Variants in XKR6 observed in about 807,000 individuals in gnomAD.
XKR6 encodes XK-related protein 6.
A neutral mutation model predicts 56.7 loss-of-function variants in XKR6; 22 were observed. The observed-to-expected ratio is 0.39, with a 90% CI of 0.28 to 0.55. XKR6 has a LOEUF of 0.55. Ranked by LOEUF, XKR6 falls within the 20% of genes least tolerant of loss-of-function variation. The pLI is 0.66. For missense variants in XKR6, 852 were observed against 889.0 expected, an observed-to-expected ratio of 0.96 and a Z score of 0.53; for synonymous variants, 524 against 387.8, an observed-to-expected ratio of 1.35 and a Z score of -4.13.
chr8:10,968,882 G>T (rs565633338), intron 1 of XKR6, among the ~76,000 whole-genome samples: 1 of 152,234 alleles, frequency 6.6e-6, no homozygotes, highest in Non-Finnish European at 1.5e-5. Flanking sequence ...GCTGACAGCC[G>T]CTCCAGCAGT....
At chr8:11,061,513 T>C (rs1799834073) in intron 1 of XKR6, among the ~76,000 whole-genome samples, 1 of 152,048 alleles carries the variant, frequency 6.6e-6, no homozygotes, top group South Asian at 2.1e-4. Context: ...GAACAGACAC[T>C]GTGACTAAAA....
At chr8:11,047,698 G>C (rs73662686) in intron 1 of XKR6, among the ~76,000 whole-genome samples, 1,966 of 152,328 alleles carry the variant, frequency 0.013, 48 homozygotes, top group African/African-American at 0.044. Flanking sequence ...GCGATGGATA[G>C]TGGTGATGGT....
At position 10,897,575 on chromosome 8, in the gene XKR6, T is replaced by G; in HGVS notation, c.*377A>C. ...ACCAATCCCATAAATGATCTACACT[T>G]GGTGTAAGGTAAAAAACTTTTTTTT... On this transcript the variant is annotated 3_prime_UTR_variant, in exon 3 of 3. Coordinates refer to ENST00000416569, the MANE Select transcript of XKR6 (RefSeq NM_173683.4). 1 of 165,550 alleles carries G rather than the reference T, an allele frequency of 6.0e-6. No individual in the cohort carries two copies. The highest frequency in any genetic ancestry group is 2.4e-5 in the African/African-American group (1 of 42,072). The allele number at this position is 165,550 out of a possible 1,614,324, so 10.3% of individuals were successfully genotyped here. A position where few individuals can be genotyped will look rare whatever the true frequency, so the allele number is the denominator to read the frequency against.
At chr8:11,138,530 G>C (rs1037076963) in intron 1 of XKR6, 2 of 152,146 alleles carry the variant, frequency 1.3e-5, no homozygotes, top group Non-Finnish European at 2.9e-5. Context: ...TTCTATATTT[G>C]ATTTCAGATT....
rs373714761 is a variant in XKR6 at position 10,975,097 on chromosome 8, C to T, written c.765-50267G>A. On this transcript the variant is annotated intron_variant, in intron 1 of 2. Coordinates refer to ENST00000416569, the MANE Select transcript of XKR6 (RefSeq NM_173683.4). ...TCCTAGAGGCCTCGGTTTCTCTCTCCGGAACACAGTCCTTGCTGCCCTGAT... is the reference window on the plus strand; with the variant it reads ...TCCTAGAGGCCTCGGTTTCTCTCTCTGGAACACAGTCCTTGCTGCCCTGAT... Among the ~76,000 whole-genome samples the T allele has an allele frequency of 2.2e-4, 33 of 152,254 alleles. No individual in the cohort carries two copies. The South Asian group carries it at 6.8e-3, about 32-fold the overall frequency.
At chr8:11,048,330 A>T (rs924097552) in intron 1 of XKR6, among the ~76,000 whole-genome samples, 1 of 152,112 alleles carries the variant, frequency 6.6e-6, no homozygotes, top group Non-Finnish European at 1.5e-5. Context: ...TCAGGAAGGA[A>T]GTTCAGGTCT....
intron 1 of XKR6, among the ~76,000 whole-genome samples, chr8:11,144,884 G>C (rs1563171889): frequency 6.7e-6 from 1 of 148,634 alleles, no homozygotes; most frequent in Non-Finnish European, 1.5e-5. Flanking sequence ...AAGGAGAGAA[G>C]GGGAAGGGGA....
chr8:11,062,894 A>G (rs1416494161), intron 1 of XKR6: 1 of 455,332 alleles, frequency 2.2e-6, no homozygotes, highest in Non-Finnish European at 4.4e-6. Flanking sequence ...CAGACGTCGT[A>G]CTGAAATTCC....
intron 1 of XKR6, among the ~76,000 whole-genome samples, chr8:10,943,687 C>T (rs927821670): frequency 1.3e-5 from 2 of 152,294 alleles, no homozygotes; most frequent in East Asian, 1.9e-4. Flanking sequence ...GAAAGCCTTA[C>T]GATCGTCCTC....
chr8:10,968,110 G>A (rs957649851), intron 1 of XKR6, among the ~76,000 whole-genome samples: 3 of 152,174 alleles, frequency 2.0e-5, no homozygotes, highest in Non-Finnish European at 4.4e-5. Context: ...CCCAGGGTCT[G>A]TCCCCCTGGA....
chr8:11,193,750 C>A (rs1047205801), intron 1 of XKR6, among the ~76,000 whole-genome samples: 7 of 134,694 alleles, frequency 5.2e-5, no homozygotes, highest in Admixed American at 3.7e-4. Context: ...CCCCCCCCCC[C>A]CACAAAAGAA....
At chr8:10,935,432 C>T in intron 1 of XKR6, among the ~76,000 whole-genome samples, 1 of 104,538 alleles carries the variant, frequency 9.6e-6, no homozygotes. Context: ...TATTTCTTGC[C>T]TTCTGCTAGC....
chr8:11,172,668 T>G (rs1802438841), intron 1 of XKR6, among the ~76,000 whole-genome samples: 3 of 151,474 alleles, frequency 2.0e-5, no homozygotes, highest in Non-Finnish European at 4.4e-5. Context: ...GAAAGGAGGG[T>G]TTTTCTTTAC....
chr8:10,914,215 G>A (rs1800492078), intron 2 of XKR6, among the ~76,000 whole-genome samples: 1 of 152,144 alleles, frequency 6.6e-6, no homozygotes, highest in Admixed American at 6.5e-5. Context: ...CCGCAACCAT[G>A]CTTCCCGGTC....
intron 1 of XKR6, among the ~76,000 whole-genome samples, chr8:11,048,902 C>A (rs1799475927): frequency 6.6e-6 from 1 of 152,230 alleles, no homozygotes; most frequent in African/African-American, 2.4e-5. Flanking sequence ...TCCAGCCGGC[C>A]CCGCCTGTCT....
At chr8:10,902,946 AT>A in intron 2 of XKR6, among the ~76,000 whole-genome samples, 1 of 152,166 alleles carries the variant, frequency 6.6e-6, no homozygotes, top group Admixed American at 6.5e-5. Context: ...CTCTGGGCAC[AT>A]TTTTTGGGAC....
intron 1 of XKR6, chr8:11,035,374 G>A (rs1033030705): frequency 1.9e-6 from 1 of 530,692 alleles, no homozygotes; most frequent in African/African-American, 1.9e-5. Flanking sequence ...TCATGAATGG[G>A]GCTCTTTGCA....
intron 1 of XKR6, among the ~76,000 whole-genome samples, chr8:11,006,436 C>A (rs1370034018): frequency 6.6e-6 from 1 of 152,122 alleles, no homozygotes; most frequent in East Asian, 1.9e-4. Context: ...CTGAGACATG[C>A]CAGTCATTGG....
At chr8:11,074,801 C>T (rs1212272971) in intron 1 of XKR6, among the ~76,000 whole-genome samples, 1 of 152,248 alleles carries the variant, frequency 6.6e-6, no homozygotes, top group Non-Finnish European at 1.5e-5. Context: ...GGATCACAAA[C>T]TGTCGCTGAA....
Sources: gnomAD v4.1 joint callset for allele counts (sites outside exome capture counted in the v4.1 genomes callset) on GRCh38, gnomAD v4.1.1 for gene constraint, MANE v1.5 for transcripts, NCBI Gene and HGNC (gene_info 2026-07-23, HGNC 2026-07-21) for gene names.